KCNC2: variants seen among roughly 807,000 people sequenced by gnomAD.
The protein encoded by KCNC2 is potassium voltage-gated channel subfamily C member 2, also known as voltage-gated potassium channel KCNC2.
A neutral mutation model predicts 44.5 loss-of-function variants in KCNC2; 21 were observed. The observed-to-expected ratio is 0.47, with a 90% CI of 0.33 to 0.68. The LOEUF (loss-of-function observed/expected upper bound fraction) is 0.68, where lower values mean the gene tolerates loss of function less well. KCNC2 is among the 30% of genes least tolerant of loss of function. KCNC2 has a pLI of 0.01. For missense variants in KCNC2, 589 were observed against 826.2 expected (o/e 0.71, Z 3.52); for synonymous variants, 391 against 339.1 (o/e 1.15, Z -1.68).
rs2136943495 is a variant in KCNC2 at position 75,050,633 on chromosome 12, C to A, written c.1372G>T (p.Ala458Ser). The change falls in exon 3 of 5, where the codon GCT (alanine) becomes TCT (serine). Residue 458 changes from alanine (A) to serine (S), a missense_variant. Ala to Ser is a moderately conservative substitution (Grantham distance 99). Transcript: ENST00000549446. ...WSGMLVGALC[A>S]LAGVLTIAMP... ...GCTATTGTCAGCACTCCAGCCAGAG[C>A]ACACAGGGCTCCCACCAGCATGCCT... 1 of 1,613,280 alleles carries A rather than the reference C, an allele frequency of 6.2e-7. No individual in the cohort carries two copies. The highest frequency in any genetic ancestry group is 8.5e-7 in the Non-Finnish European group (1 of 1,179,742).
At chr12:75,201,107 G>C (rs2031208098) in intron 2 of KCNC2, among the ~76,000 whole-genome samples, 1 of 150,934 alleles carries the variant, frequency 6.6e-6, no homozygotes, top group Admixed American at 6.6e-5. Flanking sequence ...CAGAGCCACA[G>C]CAAAATGATT....
intron 2 of KCNC2, among the ~76,000 whole-genome samples, chr12:75,190,173 A>C (rs1468328590): frequency 6.6e-6 from 1 of 152,180 alleles, no homozygotes; most frequent in Admixed American, 6.5e-5. Context: ...ATGGTTATAC[A>C]ACTACTATGT....
chr12:75,055,991 G>T (rs1211022935), intron 2 of KCNC2, among the ~76,000 whole-genome samples: 4 of 151,910 alleles, frequency 2.6e-5, no homozygotes, highest in Non-Finnish European at 4.4e-5. Flanking sequence ...ACTGTGCCTA[G>T]ACTGTGTCCT....
At chr12:75,099,200 C>A (rs1886176658) in intron 2 of KCNC2, among the ~76,000 whole-genome samples, 1 of 152,280 alleles carries the variant, frequency 6.6e-6, no homozygotes, top group East Asian at 1.9e-4. Flanking sequence ...AAAGGGCTGG[C>A]ACAAATGCAA....
At chr12:75,131,704 C>G (rs1346504797) in intron 2 of KCNC2, among the ~76,000 whole-genome samples, 2 of 152,104 alleles carry the variant, frequency 1.3e-5, no homozygotes, top group African/African-American at 4.8e-5. Context: ...AAGTCAGGCC[C>G]TGTAGGAGTG....
In KCNC2 at chr12:75,050,084, G is replaced by A. The variant is rs898592623; in HGVS notation, c.1615+306C>T. On this transcript the variant is annotated intron_variant, in intron 3 of 4. Transcript: ENST00000549446. ...ATATCATACCATCACATCGTGCAGG[G>A]AAACAAAGAAACATTGGCACAAAAG... 5.9e-5 allele frequency among the ~76,000 whole-genome samples: 9 copies of A among 152,040 alleles called. No individual in the cohort carries two copies. The South Asian group carries it at 1.7e-3, about 28-fold the overall frequency.
chr12:75,165,193 C>G (rs1415460928), intron 2 of KCNC2, among the ~76,000 whole-genome samples: 1 of 151,380 alleles, frequency 6.6e-6, no homozygotes, highest in Non-Finnish European at 1.5e-5. Context: ...TTATTTAATG[C>G]TCTTTTGTGT....
chr12:75,094,350 T>A (rs1160379352), intron 2 of KCNC2, among the ~76,000 whole-genome samples: 1 of 151,664 alleles, frequency 6.6e-6, no homozygotes. Context: ...CATAGTGGAA[T>A]GAGTTATTAT....
chr12:75,127,603 G>T (rs1165006911), intron 2 of KCNC2, among the ~76,000 whole-genome samples: 1 of 152,116 alleles, frequency 6.6e-6, no homozygotes, highest in Non-Finnish European at 1.5e-5. Context: ...ATAAAAACTA[G>T]ACTTGGTAGA....
chr12:75,199,192 T>A (rs1026698186), intron 2 of KCNC2, among the ~76,000 whole-genome samples: 4 of 151,824 alleles, frequency 2.6e-5, no homozygotes, highest in African/African-American at 9.7e-5. Context: ...TATCTTGGCC[T>A]TTGCTCCAAT....
intron 2 of KCNC2, among the ~76,000 whole-genome samples, chr12:75,194,808 G>T (rs867208518): frequency 1.3e-5 from 2 of 152,152 alleles, no homozygotes; most frequent in African/African-American, 4.8e-5. Flanking sequence ...TGGAATCTTA[G>T]TATGTAGTCA....
At chr12:75,192,020 C>T (rs1017203809) in intron 2 of KCNC2, among the ~76,000 whole-genome samples, 3 of 152,092 alleles carry the variant, frequency 2.0e-5, no homozygotes, top group African/African-American at 4.8e-5. Flanking sequence ...CTCAGTCCTG[C>T]TATTTGCCAC....
intron 2 of KCNC2, among the ~76,000 whole-genome samples, chr12:75,087,919 C>T (rs1885158696): frequency 6.6e-6 from 1 of 151,904 alleles, no homozygotes; most frequent in African/African-American, 2.4e-5. Context: ...AGTACTGTAC[C>T]CTTCCTTTCT....
intron 2 of KCNC2, among the ~76,000 whole-genome samples, chr12:75,084,302 A>AGAT (rs1884795042): frequency 6.7e-6 from 1 of 149,624 alleles, no homozygotes; most frequent in Admixed American, 6.7e-5. Flanking sequence ...ATAGATAGAT[A>AGAT]GATAGATAGA....
intron 2 of KCNC2, among the ~76,000 whole-genome samples, chr12:75,199,727 T>A (rs1315982809): frequency 6.6e-6 from 1 of 151,920 alleles, no homozygotes; most frequent in Non-Finnish European, 1.5e-5. Context: ...GACCTGGTTA[T>A]TTACATTTGA....
chr12:75,130,301 A>G (rs1336964093), intron 2 of KCNC2, among the ~76,000 whole-genome samples: 1 of 152,106 alleles, frequency 6.6e-6, no homozygotes, highest in Non-Finnish European at 1.5e-5. Context: ...TGTTTCTTTC[A>G]TACTCTCAAT....
At chr12:75,169,244 G>A (rs1891655957) in intron 2 of KCNC2, among the ~76,000 whole-genome samples, 2 of 151,534 alleles carry the variant, frequency 1.3e-5, no homozygotes. Context: ...AGCACATAGA[G>A]CAGTACCTGG....
chr12:75,181,179 AG>A lies in KCNC2; in HGVS notation c.687+26117del, dbSNP rs1892547788. On this transcript the variant is annotated intron_variant, in intron 2 of 4. Coordinates refer to ENST00000549446, the MANE Select transcript of KCNC2 (RefSeq NM_139137.4). Reference sequence around the variant, plus strand: ...GATCAATTCATTTAAAATGCAACTTAGTTAGATTCCAGGTACAAGGTTGAGA... The same window carrying A: ...GATCAATTCATTTAAAATGCAACTTATTAGATTCCAGGTACAAGGTTGAGA... 2.0e-5 allele frequency among the ~76,000 whole-genome samples: 3 copies of A among 152,170 alleles called. No homozygotes were observed. In the South Asian group the frequency reaches 6.2e-4, roughly 31 times the overall value.
chr12:75,080,528 A>T (rs1884399460), intron 2 of KCNC2, among the ~76,000 whole-genome samples: 1 of 152,166 alleles, frequency 6.6e-6, no homozygotes, highest in Non-Finnish European at 1.5e-5. Context: ...TTACAAAAGA[A>T]ACAACAAAGC....
Sources: gnomAD v4.1 joint callset for allele counts (sites outside exome capture counted in the v4.1 genomes callset) on GRCh38, gnomAD v4.1.1 for gene constraint, MANE v1.5 for transcripts, NCBI Gene and HGNC (gene_info 2026-07-23, HGNC 2026-07-21) for gene names.